The following NELL1 variants were observed in gnomAD, a reference collection of about 807,000 sequenced individuals.
NELL1 encodes the protein neural EGFL like 1.
A neutral mutation model predicts 107.4 loss-of-function variants in NELL1; 76 were observed. That is an observed-to-expected ratio of 0.71 (90% CI 0.59 to 0.86). The LOEUF (loss-of-function observed/expected upper bound fraction) is 0.86. NELL1 is among the 40% of genes least tolerant of loss of function. The pLI is 0.00. For missense variants in NELL1, 1,024 were observed against 1,005.5 expected (o/e 1.02, Z -0.25); for synonymous variants, 353 against 341.2 (o/e 1.03, Z -0.38).
intron 15 of NELL1, among the ~76,000 whole-genome samples, chr11:21,375,683 TC>T (rs573725232): frequency 5.2e-4 from 79 of 152,260 alleles, no homozygotes; most frequent in African/African-American, 1.9e-3. Flanking sequence ...GTATAAGTGT[TC>T]CCTTTTCTCT....
intron 2 of NELL1, among the ~76,000 whole-genome samples, chr11:20,713,496 G>A (rs575590592): frequency 6.6e-6 from 1 of 152,174 alleles, no homozygotes; most frequent in Non-Finnish European, 1.5e-5. Flanking sequence ...CGCAGTTGGT[G>A]AGGCTGGTCT....
intron 2 of NELL1, among the ~76,000 whole-genome samples, chr11:20,762,331 G>A (rs1856438944): frequency 1.3e-5 from 2 of 152,222 alleles, no homozygotes; most frequent in South Asian, 4.1e-4. Context: ...AAGGCTGTTG[G>A]AATACAAAAG....
intron 14 of NELL1, among the ~76,000 whole-genome samples, chr11:21,368,283 G>C (rs796443318): frequency 6.6e-6 from 1 of 151,144 alleles, no homozygotes; most frequent in Non-Finnish European, 1.5e-5. Context: ...ATAGAAATTA[G>C]ATAATAGGTA....
intron 14 of NELL1, among the ~76,000 whole-genome samples, chr11:21,234,929 A>C (rs1471358108): frequency 6.6e-6 from 1 of 152,182 alleles, no homozygotes; most frequent in Non-Finnish European, 1.5e-5. Context: ...AGGGAGAGGG[A>C]GAATAGAAAG....
chr11:20,781,130 A>G (rs1336088350), intron 2 of NELL1, among the ~76,000 whole-genome samples: 4 of 152,234 alleles, frequency 2.6e-5, no homozygotes, highest in Non-Finnish European at 4.4e-5. Flanking sequence ...GGCTTGGGCA[A>G]GAGTTTTAAG....
At chr11:21,430,014 C>T (rs984203305) in intron 15 of NELL1, among the ~76,000 whole-genome samples, 9 of 152,190 alleles carry the variant, frequency 5.9e-5, no homozygotes, top group African/African-American at 2.2e-4. Flanking sequence ...GAACTTGAAA[C>T]ATCTCAGATA....
intron 14 of NELL1, among the ~76,000 whole-genome samples, chr11:21,316,349 C>T (rs901046560): frequency 2.0e-5 from 3 of 152,024 alleles, no homozygotes; most frequent in Non-Finnish European, 2.9e-5. Context: ...AATTTTTCTC[C>T]CATTATTAAA....
At chr11:20,951,815 C>A (rs2134203828) in intron 11 of NELL1, among the ~76,000 whole-genome samples, 1 of 152,174 alleles carries the variant, frequency 6.6e-6, no homozygotes, top group Non-Finnish European at 1.5e-5. Context: ...TGCAGCTTTT[C>A]TCTGATACCT....
At chr11:21,393,187 G>C (rs1252100918) in intron 15 of NELL1, among the ~76,000 whole-genome samples, 1 of 151,640 alleles carries the variant, frequency 6.6e-6, no homozygotes, top group Admixed American at 6.6e-5. Context: ...ACAGAGATGA[G>C]CTCTGAGATC....
intron 2 of NELL1, among the ~76,000 whole-genome samples, chr11:20,695,377 C>G (rs2133872481): frequency 6.6e-6 from 1 of 152,200 alleles, no homozygotes; most frequent in East Asian, 1.9e-4. Flanking sequence ...TTCCATTTCT[C>G]AAGGGGAATG....
chr11:20,889,968 C>T (rs1271944184), intron 5 of NELL1, among the ~76,000 whole-genome samples: 1 of 152,130 alleles, frequency 6.6e-6, no homozygotes, highest in Non-Finnish European at 1.5e-5. Context: ...GAGTAGGTTT[C>T]CCCCCAGCAA....
chr11:20,864,697 A>G (rs1291492555), intron 4 of NELL1, among the ~76,000 whole-genome samples: 3 of 152,210 alleles, frequency 2.0e-5, no homozygotes, highest in Admixed American at 6.5e-5. Context: ...GGTCTTCCTT[A>G]TACATAAAGG....
At chr11:20,848,367 A>G (rs1043728772) in intron 4 of NELL1, among the ~76,000 whole-genome samples, 2 of 152,134 alleles carry the variant, frequency 1.3e-5, no homozygotes, top group Non-Finnish European at 2.9e-5. Flanking sequence ...TGGGATGGAA[A>G]TGTTGTCTCC....
chr11:21,551,307 T>A (rs10766831), intron 16 of NELL1, among the ~76,000 whole-genome samples: 5 of 151,804 alleles, frequency 3.3e-5, no homozygotes, highest in Non-Finnish European at 7.4e-5. Flanking sequence ...TTTGACTTCC[T>A]CTTTTCCTAA....
chr11:21,337,837 T>TTGCTTC (rs1555006224), intron 14 of NELL1, among the ~76,000 whole-genome samples: 1 of 86,616 alleles, frequency 1.2e-5, no homozygotes, highest in Non-Finnish European at 2.3e-5. Context: ...TCTTTCTTTC[T>TTGCTTC]TTTCTTTCTT....
intron 12 of NELL1, among the ~76,000 whole-genome samples, chr11:21,024,332 T>C (rs767848679): frequency 9.2e-5 from 14 of 152,252 alleles, no homozygotes; most frequent in Non-Finnish European, 2.1e-4. Context: ...TTTGACTACA[T>C]TGTCTGTTTT....
At chr11:21,417,049 G>A (rs1267931635) in intron 15 of NELL1, among the ~76,000 whole-genome samples, 1 of 151,920 alleles carries the variant, frequency 6.6e-6, no homozygotes, top group Non-Finnish European at 1.5e-5. Context: ...ACAAACCAAG[G>A]CAGCATGGCT....
At chr11:20,879,915 G>T (rs1344492700) in intron 4 of NELL1, among the ~76,000 whole-genome samples, 2 of 152,084 alleles carry the variant, frequency 1.3e-5, no homozygotes, top group Admixed American at 1.3e-4. Context: ...AGGATTCATA[G>T]AAAGTATACT....
At chr11:21,005,584 T>A (rs1852311149) in intron 12 of NELL1, among the ~76,000 whole-genome samples, 1 of 152,174 alleles carries the variant, frequency 6.6e-6, no homozygotes, top group Non-Finnish European at 1.5e-5. Context: ...ATTTCCAATC[T>A]CTTCTCTTGT....
Sources: gnomAD v4.1 joint callset for allele counts (sites outside exome capture counted in the v4.1 genomes callset) on GRCh38, gnomAD v4.1.1 for gene constraint, MANE v1.5 for transcripts, NCBI Gene and HGNC (gene_info 2026-07-23, HGNC 2026-07-21) for gene names.